LOXHD1: variants seen among roughly 807,000 people sequenced by gnomAD.
LOXHD1 encodes lipoxygenase homology PLAT domains 1, also known as lipoxygenase homology domain-containing protein 1.
Under a neutral mutation model 248.2 loss-of-function variants are expected in LOXHD1, and 205 were observed. That is an observed-to-expected ratio of 0.83 (90% CI 0.74 to 0.93). The LOEUF (loss-of-function observed/expected upper bound fraction) is 0.93. Among genes scored for constraint, LOXHD1 ranks in the 40% least tolerant of loss-of-function variants. The pLI is 0.00. For synonymous variants in LOXHD1, 1,113 were observed against 1,162.8 expected (o/e 0.96, Z 0.87); for missense variants, 2,930 against 2,971.6 (o/e 0.99, Z 0.33).
chr18:46,595,483 A>G (rs932106272), intron 8 of LOXHD1, among the ~76,000 whole-genome samples: 16 of 152,258 alleles, frequency 1.1e-4, no homozygotes, highest in African/African-American at 3.9e-4. Flanking sequence ...TTCAATAGAT[A>G]GGAAACCTGA....
intron 40 of LOXHD1, among the ~76,000 whole-genome samples, chr18:46,479,289 G>A (rs979721988): frequency 6.7e-6 from 1 of 149,606 alleles, no homozygotes; most frequent in Admixed American, 6.7e-5. Flanking sequence ...AGAGTACAAA[G>A]GGAAAGAGAA....
At chr18:46,601,161 A>T in intron 8 of LOXHD1, 56 bp downstream of exon 8, 1 of 1,519,868 alleles carries the variant, frequency 6.6e-7, no homozygotes, top group Non-Finnish European at 8.9e-7. Flanking sequence ...TGTACTTGCA[A>T]GTTAAAGAGG....
At chr18:46,533,052 C>T (rs2036144037) in intron 28 of LOXHD1, 110 bp downstream of exon 28, 2 of 1,215,618 alleles carry the variant, frequency 1.6e-6, no homozygotes, top group Non-Finnish European at 2.3e-6. Context: ...GAGGTAACAA[C>T]AGACCCTACT....
chr18:46,572,730 C>T (rs146032483), intron 14 of LOXHD1, among the ~76,000 whole-genome samples: 1 of 152,054 alleles, frequency 6.6e-6, no homozygotes, highest in African/African-American at 2.4e-5. Context: ...AGAACATATG[C>T]TAGGATACGT....
At chr18:46,560,968 A>G (rs2037518006) in intron 18 of LOXHD1, among the ~76,000 whole-genome samples, 2 of 152,068 alleles carry the variant, frequency 1.3e-5, no homozygotes, top group Admixed American at 6.5e-5. Flanking sequence ...CTATTCATTC[A>G]GGTTCCTGTG....
At chr18:46,581,044 C>T (rs552824303) in intron 12 of LOXHD1, among the ~76,000 whole-genome samples, 150 of 152,058 alleles carry the variant, frequency 9.9e-4, no homozygotes, top group South Asian at 2.7e-3. Flanking sequence ...CAGTGGAAAG[C>T]CATTGGAGGG....
chr18:46,557,824 G>A, intron 20 of LOXHD1: 1 of 1,278,680 alleles, frequency 7.8e-7, no homozygotes. Flanking sequence ...GTGCAAGAGA[G>A]GGGGGTGCAC....
intron 36 of LOXHD1, 57 bp downstream of exon 36, chr18:46,507,481 C>T (rs915548405): frequency 2.3e-5 from 36 of 1,544,826 alleles, no homozygotes; most frequent in African/African-American, 6.9e-5. Context: ...GGCCTGAGCC[C>T]GAATTTGACG....
chr18:46,625,480 C>T (rs1341602635), intron 4 of LOXHD1, among the ~76,000 whole-genome samples: 3 of 149,754 alleles, frequency 2.0e-5, no homozygotes, highest in East Asian at 2.0e-4. Flanking sequence ...TTAACACTAG[C>T]GATAGCTGAT....
chr18:46,572,019 C>G, intron 15 of LOXHD1, 67 bp downstream of exon 15: 3 of 1,377,586 alleles, frequency 2.2e-6, no homozygotes, highest in Non-Finnish European at 3.0e-6. Flanking sequence ...TCTTGAAGGG[C>G]TTAGCTGAGG....
chr18:46,607,579 G>GT (rs545991792), intron 6 of LOXHD1, among the ~76,000 whole-genome samples: 283 of 150,938 alleles, frequency 1.9e-3, no homozygotes, highest in African/African-American at 6.4e-3. Context: ...ATTATGAGTG[G>GT]TTTTTTTTGT....
chr18:46,615,424 T>C (rs1489952607), intron 5 of LOXHD1, among the ~76,000 whole-genome samples: 1 of 152,186 alleles, frequency 6.6e-6, no homozygotes, highest in African/African-American at 2.4e-5. Flanking sequence ...TTCCGGGTGG[T>C]GGTGGTGGTG....
chr18:46,587,865 T>A (rs565988424), intron 12 of LOXHD1, among the ~76,000 whole-genome samples: 5 of 152,196 alleles, frequency 3.3e-5, no homozygotes, highest in Admixed American at 6.5e-5. Flanking sequence ...ATTGTCCATA[T>A]CTCCCAGTCT....
chr18:46,590,087 A>C (rs1599032504), intron 12 of LOXHD1, among the ~76,000 whole-genome samples: 2 of 152,334 alleles, frequency 1.3e-5, no homozygotes, highest in South Asian at 2.1e-4. Flanking sequence ...GCTGGAGAGC[A>C]GCTAGAAAAG....
rs1377376819 is a variant in LOXHD1, at chr18:46,546,985, C to T, written c.3424G>A (p.Val1142Met). Residue 1142 changes from valine (V) to methionine (M), a missense_variant, in exon 22 of 41, where the codon GTG becomes ATG. Coordinates refer to ENST00000642948, the MANE Select transcript of LOXHD1 (RefSeq NM_001384474.1). Reference sequence around the variant, plus strand: ...TGTGGCAGCACATAGGACTCATCCACTGGCAACAGCTCCCTGGACAGCTGG... The same window carrying T: ...TGTGGCAGCACATAGGACTCATCCATTGGCAACAGCTCCCTGGACAGCTGG... Reference protein sequence around the residue: ...DGQLSRELLPVDESYVLPQSE... With the variant: ...DGQLSRELLPMDESYVLPQSE... The T allele has an allele frequency of 6.4e-7, 1 of 1,551,792 alleles. No individual in the cohort carries two copies. The highest frequency in any genetic ancestry group is 2.4e-5 in the East Asian group (1 of 40,928).
At chr18:46,623,845 G>C (rs1193126953) in intron 4 of LOXHD1, among the ~76,000 whole-genome samples, 1 of 152,250 alleles carries the variant, frequency 6.6e-6, no homozygotes, top group African/African-American at 2.4e-5. Flanking sequence ...GCCATGCAGA[G>C]AGGCAGAGCC....
intron 12 of LOXHD1, among the ~76,000 whole-genome samples, chr18:46,588,061 A>T (rs2038095061): frequency 6.6e-6 from 1 of 152,176 alleles, no homozygotes; most frequent in Non-Finnish European, 1.5e-5. Flanking sequence ...AGGGATTTCC[A>T]GGACGTCTTT....
intron 35 of LOXHD1, 45 bp from the exon 36 acceptor site, chr18:46,507,757 C>A: frequency 6.6e-7 from 1 of 1,520,518 alleles, no homozygotes; most frequent in South Asian, 1.3e-5. Flanking sequence ...TCCTCCCTCA[C>A]CTCCACCAGC....
chr18:46,591,038 A>T (rs942321023), intron 12 of LOXHD1, among the ~76,000 whole-genome samples: 3 of 152,338 alleles, frequency 2.0e-5, no homozygotes, highest in Middle Eastern at 3.4e-3. Context: ...AACTGTTTCA[A>T]CAAATATATA....
Sources: allele counts gnomAD v4.1 joint callset (sites outside exome capture counted in the v4.1 genomes callset), GRCh38; gene constraint gnomAD v4.1.1; transcripts MANE v1.5; gene names NCBI Gene and HGNC (gene_info 2026-07-23, HGNC 2026-07-21).